Variants in ITPA observed in about 807,000 individuals in gnomAD.
ITPA encodes inosine triphosphatase.
Under a neutral mutation model 29.6 loss-of-function variants are expected in ITPA, and 29 were observed. The ratio of observed to expected loss-of-function variants is 0.98; its 90% confidence interval spans 0.73 to 1.34. The LOEUF is 1.34. Among genes scored for constraint, ITPA ranks in the 40% most tolerant of loss-of-function variants. The probability of loss-of-function intolerance (pLI) is 0.00; values close to 1 mark genes in which losing one functional copy is unlikely to be tolerated. For synonymous variants in ITPA, 103 were observed against 99.3 expected (o/e 1.04, Z -0.22); for missense variants, 241 against 251.5 (o/e 0.96, Z 0.28).
downstream of ITPA, among the ~76,000 whole-genome samples, chr20:3,225,168 A>G (rs768879592): frequency 6.6e-6 from 1 of 152,096 alleles, no homozygotes; most frequent in South Asian, 2.1e-4. Flanking sequence ...GCGCCACTGC[A>G]CTCCAGCCTG....
At chr20:3,226,561 C>T (rs1033857479), downstream of ITPA, among the ~76,000 whole-genome samples, 3 of 152,214 alleles carry the variant, frequency 2.0e-5, no homozygotes, top group Non-Finnish European at 2.9e-5. This position sits in a 1 kb window ranked among gnomAD's most constrained non-coding sequence, Gnocchi z 4.4. Flanking sequence ...GAGCACCTCT[C>T]GCTACTCCTG....
rs185561619 is a variant in ITPA, at chr20:3,212,571, T to G, written c.67-598T>G. Among the ~76,000 whole-genome samples, 1,232 of 152,324 alleles carry G rather than the reference T, an allele frequency of 8.1e-3. 7 individuals carry two copies. Among genetic ancestry groups the G allele is most frequent in the Non-Finnish European group, 0.012 (840 of 68,020 alleles). On this transcript the variant is annotated intron_variant, in intron 1 of 7. Coordinates refer to ENST00000380113, the MANE Select transcript of ITPA (RefSeq NM_033453.4). ...TCTGGGCTCAAGCAATCTGCCCACCTTGGCCTCCAAAAGTGCTAAGATTAC... is the reference window on the plus strand; with the variant it reads ...TCTGGGCTCAAGCAATCTGCCCACCGTGGCCTCCAAAAGTGCTAAGATTAC...
intron 3 of ITPA, 49 bp from the exon 4 acceptor site, chr20:3,213,936 G>T (rs777178814): frequency 4.4e-6 from 7 of 1,597,394 alleles, no homozygotes; most frequent in African/African-American, 1.3e-5. Flanking sequence ...GACGTTCCAG[G>T]TGGGGATGGT....
chr20:3,204,889 C>A (rs1434257905), upstream of ITPA, among the ~76,000 whole-genome samples: 1 of 151,614 alleles, frequency 6.6e-6, no homozygotes, highest in Middle Eastern at 3.2e-3. Flanking sequence ...GAGTCTCTGT[C>A]GCACAGGCTG....
rs181327915 is a variant in ITPA, at chr20:3,221,400, A to G, written c.412-441A>G. ...TTGCGGTGTTTCATCTTATTGTTAA[A>G]GTCTTCCTTGTATTTTCAGGAACGC... On this transcript the variant is annotated intron_variant, in intron 6 of 7. Coordinates refer to ENST00000380113, the MANE Select transcript of ITPA (RefSeq NM_033453.4). 6.4e-4 allele frequency among the ~76,000 whole-genome samples: 98 copies of G among 152,230 alleles called. 1 individual carries two copies. The highest frequency in any genetic ancestry group is 7.8e-4 in the Non-Finnish European group (53 of 68,012).
intron 5 of ITPA, among the ~76,000 whole-genome samples, chr20:3,218,064 T>A (rs556494926): frequency 6.6e-6 from 1 of 152,132 alleles, no homozygotes; most frequent in South Asian, 2.1e-4. Context: ...GCTACAGGCA[T>A]CAGCCACCAC....
chr20:3,208,266 T>G (rs1000764935), upstream of ITPA, among the ~76,000 whole-genome samples: 2 of 152,032 alleles, frequency 1.3e-5, no homozygotes, highest in African/African-American at 4.8e-5. Flanking sequence ...CCCCAAGCCC[T>G]CCTCTGCCCC....
chr20:3,209,739 G>T lies in ITPA; in HGVS notation c.66+122G>T. Reference sequence around the variant, plus strand: ...AGAGAGAACAGAATTCAGCCCGGAAGAATGGGTCCTGACCCGGCTGTGTGG... The same window carrying T: ...AGAGAGAACAGAATTCAGCCCGGAATAATGGGTCCTGACCCGGCTGTGTGG... On this transcript the variant is annotated intron_variant, in intron 1 of 7. Coordinates refer to ENST00000380113, the MANE Select transcript of ITPA (RefSeq NM_033453.4). The surrounding 1 kb of genome is among the most constrained non-coding windows in gnomAD (Gnocchi z 4.6). 4 of 800,024 alleles carry T rather than the reference G, an allele frequency of 5.0e-6. No homozygotes were observed. Among genetic ancestry groups the T allele is most frequent in the Non-Finnish European group, 8.2e-6 (4 of 487,728 alleles). The allele number at this position is 800,024 out of a possible 1,614,324, so 49.6% of individuals were successfully genotyped here.
At chr20:3,213,103 A>G in intron 1 of ITPA, 66 bp from the exon 2 acceptor site, 1 of 1,470,584 alleles carries the variant, frequency 6.8e-7, no homozygotes, top group Non-Finnish European at 9.5e-7. Flanking sequence ...AAGGCGGATG[A>G]CAGCTCACGT....
intron 1 of ITPA, among the ~76,000 whole-genome samples, chr20:3,211,109 G>A (rs73573875): frequency 0.17 from 25,555 of 148,408 alleles, 2,793 homozygotes; most frequent in South Asian, 0.39. Context: ...CACTAGAGTA[G>A]CCAAGGGAGA....
upstream of ITPA, among the ~76,000 whole-genome samples, chr20:3,207,792 C>T (rs1036007901): frequency 6.6e-6 from 1 of 150,564 alleles, no homozygotes; most frequent in Non-Finnish European, 1.5e-5. Context: ...GTCAGGAGTT[C>T]GAGACCAGCC....
Position 3,209,572 on chromosome 20 carries a change from G to C in ITPA, c.21G>C (p.Gly7=). The change falls in exon 1 of 8, where the codon GGG becomes GGC. Residue 7 remains glycine, a synonymous_variant. Coordinates refer to ENST00000380113, the MANE Select transcript of ITPA (RefSeq NM_033453.4). This position sits in a 1 kb window ranked among gnomAD's most constrained non-coding sequence, Gnocchi z 4.6. Reference sequence around the variant, plus strand: ...TCACCATGGCGGCCTCATTGGTGGGGAAGAAGATCGTGTTTGTAACGGGGA... The same window carrying C: ...TCACCATGGCGGCCTCATTGGTGGGCAAGAAGATCGTGTTTGTAACGGGGA... The part of the protein sequence containing the change: MAASLV[G]KKIVFVTGNA... 6.2e-7 allele frequency: 1 copy of C among 1,614,184 alleles called. No individual in the cohort carries two copies. Among genetic ancestry groups the C allele is most frequent in the Non-Finnish European group, 8.5e-7 (1 of 1,180,036 alleles).
At chr20:3,205,963 G>A (rs1249465956), upstream of ITPA, among the ~76,000 whole-genome samples, 8 of 151,542 alleles carry the variant, frequency 5.3e-5, no homozygotes, top group African/African-American at 1.9e-4. Flanking sequence ...GGCTGAGGCA[G>A]GAGAATCACT....
intron 6 of ITPA, 32 bp downstream of exon 6, chr20:3,218,664 C>G: frequency 6.4e-7 from 1 of 1,552,698 alleles, no homozygotes; most frequent in Non-Finnish European, 8.9e-7. Flanking sequence ...GTTCCCGCCG[C>G]GCGCCGCCAG....
At chr20:3,213,013 G>A (rs974517763) in intron 1 of ITPA, among the ~76,000 whole-genome samples, 156 bp from the exon 2 acceptor site, 8 of 152,074 alleles carry the variant, frequency 5.3e-5, no homozygotes, top group Admixed American at 4.6e-4. Flanking sequence ...TTGCTGGGGT[G>A]GGACCCTGAA....
upstream of ITPA, chr20:3,204,422 A>C: frequency 9.3e-7 from 1 of 1,072,142 alleles, no homozygotes; most frequent in South Asian, 1.5e-5. Context: ...ACGGACGCGC[A>C]TGCGTCCCGC....
intron 4 of ITPA, 59 bp downstream of exon 4, chr20:3,214,117 A>C (rs2067237536): frequency 6.3e-6 from 9 of 1,426,446 alleles, no homozygotes; most frequent in Non-Finnish European, 6.9e-6. Flanking sequence ...CAGAACTGCA[A>C]AATGATGAGG....
upstream of ITPA, among the ~76,000 whole-genome samples, chr20:3,208,034 A>C (rs150105304): frequency 5.1e-3 from 770 of 152,052 alleles, 9 homozygotes; most frequent in Middle Eastern, 0.031. Flanking sequence ...GGTGAGCAAA[A>C]ACAGATATGG....
chr20:3,225,121 G>A (rs537999184), downstream of ITPA, among the ~76,000 whole-genome samples: 8 of 152,220 alleles, frequency 5.3e-5, no homozygotes, highest in Non-Finnish European at 5.9e-5. Context: ...GGAGGATCCC[G>A]AGCCTAGGGA....
Sources: gnomAD v4.1 joint callset for allele counts (sites outside exome capture counted in the v4.1 genomes callset) on GRCh38, gnomAD v4.1.1 for gene constraint, Gnocchi (gnomAD v3.1) non-coding constraint, MANE v1.5 for transcripts, NCBI Gene and HGNC (gene_info 2026-07-23, HGNC 2026-07-21) for gene names.